SMPX: variants seen among roughly 807,000 people sequenced by gnomAD.
The protein encoded by SMPX is small muscular protein.
SMPX carries 2 observed loss-of-function variants against 6.3 expected under a neutral mutation model. The observed-to-expected ratio is 0.32, with a 90% CI of 0.13 to 0.99. SMPX has a LOEUF of 0.99. SMPX is among the 50% of genes least tolerant of loss of function. The probability of loss-of-function intolerance (pLI) is 0.49; values close to 1 mark genes in which losing one functional copy is unlikely to be tolerated. For synonymous variants in SMPX, 32 were observed against 24.7 expected, an observed-to-expected ratio of 1.30 and a Z score of -0.88; for missense variants, 60 against 66.8, an observed-to-expected ratio of 0.90 and a Z score of 0.36.
intron 2 of SMPX, among the ~76,000 whole-genome samples, chrX:21,752,578 C>T (rs1351988105): frequency 1.8e-5 from 2 of 110,737 alleles, no homozygotes; most frequent in African/African-American, 3.3e-5. Context: ...AGTGCAGTGA[C>T]GCAATCTTGG....
At chrX:21,724,123 C>T (rs2092794549) in intron 4 of SMPX, among the ~76,000 whole-genome samples, 1 of 112,126 alleles carries the variant, frequency 8.9e-6, no homozygotes, top group African/African-American at 3.3e-5. Flanking sequence ...GGATAATAAG[C>T]AGTAAACTTT....
intron 1 of SMPX, among the ~76,000 whole-genome samples, chrX:21,755,090 A>G (rs1042626450): frequency 1.8e-5 from 2 of 112,716 alleles, no homozygotes; most frequent in Non-Finnish European, 3.8e-5. Context: ...CCTGACTTAG[A>G]ACACAGTGAC....
intron 2 of SMPX, among the ~76,000 whole-genome samples, chrX:21,750,728 G>A (rs757533262): frequency 1.8e-5 from 2 of 111,907 alleles, no homozygotes; most frequent in South Asian, 3.8e-4. Context: ...CTTCTTCAGT[G>A]TGGATGTGAA....
At chrX:21,710,840 C>T (rs777800971) in intron 4 of SMPX, among the ~76,000 whole-genome samples, 35 of 111,471 alleles carry the variant, frequency 3.1e-4, no homozygotes, top group Middle Eastern at 4.6e-3. Flanking sequence ...CTACTACGTG[C>T]CAGGAACTCC....
At chrX:21,755,004 CAT>C (rs1419129708) in intron 1 of SMPX, among the ~76,000 whole-genome samples, 1 of 112,619 alleles carries the variant, frequency 8.9e-6, no homozygotes, top group Non-Finnish European at 1.9e-5. Flanking sequence ...AAGATTTACA[CAT>C]GACCATAACA....
intron 4 of SMPX, among the ~76,000 whole-genome samples, chrX:21,708,733 T>G (rs897992995): frequency 8.9e-6 from 1 of 112,534 alleles, no homozygotes; most frequent in African/African-American, 3.2e-5. Context: ...GCATTTTATC[T>G]TATTATCAAA....
At chrX:21,757,103 G>A (rs570369000) in intron 1 of SMPX, among the ~76,000 whole-genome samples, 12 of 111,615 alleles carry the variant, frequency 1.1e-4, no homozygotes, top group African/African-American at 3.9e-4. Context: ...TAATAAGAAG[G>A]GATTCAGAGG....
chrX:21,710,332 A>G (rs1024841215), intron 4 of SMPX, among the ~76,000 whole-genome samples: 1 of 112,004 alleles, frequency 8.9e-6, no homozygotes. Context: ...GTATGTTCTC[A>G]TAAGTGAAGC....
chrX:21,719,586 C>T (rs1308694926), intron 4 of SMPX, among the ~76,000 whole-genome samples: 1 of 110,256 alleles, frequency 9.1e-6, no homozygotes, highest in Non-Finnish European at 1.9e-5. Context: ...GCAGGAAAAC[C>T]ATTGAATGTG....
intron 4 of SMPX, among the ~76,000 whole-genome samples, chrX:21,716,467 G>A (rs369818481): frequency 2.7e-5 from 3 of 111,891 alleles, no homozygotes; most frequent in South Asian, 3.7e-4. Context: ...ACCCAACAAC[G>A]TGAACCCCAG....
intron 2 of SMPX, among the ~76,000 whole-genome samples, chrX:21,754,027 TA>T (rs1404486266): frequency 1.4e-4 from 16 of 112,703 alleles, no homozygotes; most frequent in Non-Finnish European, 1.9e-5. Flanking sequence ...TTCTCACTTA[TA>T]AACTGATTGT....
At chrX:21,712,424 T>C (rs2092779812) in intron 4 of SMPX, among the ~76,000 whole-genome samples, 1 of 112,013 alleles carries the variant, frequency 8.9e-6, no homozygotes, top group Non-Finnish European at 1.9e-5. Context: ...AAAAGGCAAA[T>C]TGCATATCCA....
chrX:21,720,245 G>A (rs1161916650), intron 4 of SMPX, among the ~76,000 whole-genome samples: 1 of 112,401 alleles, frequency 8.9e-6, no homozygotes, highest in Non-Finnish European at 1.9e-5. Flanking sequence ...ACTCACTCCA[G>A]GGAGAGTTGA....
intron 4 of SMPX, among the ~76,000 whole-genome samples, chrX:21,732,047 T>A (rs182892684): frequency 1.3e-3 from 146 of 110,982 alleles, no homozygotes; most frequent in African/African-American, 4.5e-3. Flanking sequence ...CTAAATGCAC[T>A]TTTTAATCAA....
intron 2 of SMPX, among the ~76,000 whole-genome samples, chrX:21,744,472 A>C (rs1395030797): frequency 8.9e-6 from 1 of 112,098 alleles, no homozygotes; most frequent in Non-Finnish European, 1.9e-5. Context: ...TATGATGATA[A>C]AATACTAATC....
chrX:21,731,830 T>TTTTATATA (rs1305473992), intron 4 of SMPX, among the ~76,000 whole-genome samples: 1 of 99,034 alleles, frequency 1.0e-5, no homozygotes, highest in African/African-American at 3.7e-5. Flanking sequence ...TATATACACA[T>TTTTATATA]TATATATATA....
At chrX:21,730,306 A>C in intron 4 of SMPX, among the ~76,000 whole-genome samples, 1 of 112,260 alleles carries the variant, frequency 8.9e-6, no homozygotes, top group Middle Eastern at 4.2e-3. Flanking sequence ...TGATAAGTCA[A>C]AGACTATGAG....
intron 1 of SMPX, among the ~76,000 whole-genome samples, chrX:21,754,777 G>A (rs1210791583): frequency 1.8e-5 from 2 of 112,104 alleles, no homozygotes; most frequent in Non-Finnish European, 3.8e-5. Flanking sequence ...GAAATGGCCT[G>A]TACCACTTCC....
chrX:21,713,262 C>T (rs2092780690), intron 4 of SMPX, among the ~76,000 whole-genome samples: 1 of 112,047 alleles, frequency 8.9e-6, no homozygotes, highest in Admixed American at 9.5e-5. Context: ...TTAGGAAATT[C>T]AGATCCAGAG....
Sources: allele counts gnomAD v4.1 joint callset (sites outside exome capture counted in the v4.1 genomes callset), GRCh38; gene constraint gnomAD v4.1.1; transcripts MANE v1.5; gene names NCBI Gene and HGNC (gene_info 2026-07-23, HGNC 2026-07-21).